The following SHOX variants were observed in gnomAD, a reference collection of about 807,000 sequenced individuals.
The protein encoded by SHOX is SHOX homeobox.
Under a neutral mutation model 29.6 loss-of-function variants are expected in SHOX, and 12 were observed. That is an observed-to-expected ratio of 0.41 (90% CI 0.26 to 0.66). The LOEUF (loss-of-function observed/expected upper bound fraction) is 0.66. SHOX is among the 30% of genes least tolerant of loss of function. The pLI is 0.35. For missense variants in SHOX, 499 were observed against 437.7 expected, an observed-to-expected ratio of 1.14 and a Z score of -1.25; for synonymous variants, 214 against 200.6, an observed-to-expected ratio of 1.07 and a Z score of -0.57.
chrX:653,920 TA>T (rs35084973), downstream of SHOX, among the ~76,000 whole-genome samples: 27,346 of 148,108 alleles, frequency 0.18, 3,277 homozygotes, highest in African/African-American at 0.34. Flanking sequence ...GAGTTGTCGT[TA>T]AAAAAAAAAA....
chrX:652,869 C>A (rs1159810502), downstream of SHOX, among the ~76,000 whole-genome samples: 1 of 72,172 alleles, frequency 1.4e-5, no homozygotes, highest in African/African-American at 6.2e-5. Context: ...GACCTCAACG[C>A]GTCCATCTCC....
At chrX:628,329 C>G (rs1223325848), upstream of SHOX, among the ~76,000 whole-genome samples, 4 of 150,998 alleles carry the variant, frequency 2.6e-5, 1 homozygote, top group Non-Finnish European at 1.5e-5. Flanking sequence ...CCTTGTCTCT[C>G]TCTTTCTCTC....
chrX:636,698 AT>A lies in SHOX; in HGVS notation c.486+1873del, dbSNP rs1320004849. Among the ~76,000 whole-genome samples, 2 of 5,952 alleles carry A rather than the reference AT, an allele frequency of 3.4e-4. 1 individual carries two copies. The highest frequency in any genetic ancestry group is 4.8e-4 in the Non-Finnish European group (2 of 4,134). 3.9% of individuals were successfully genotyped at this position (5,952 alleles called of 152,430 possible). On this transcript the variant is annotated intron_variant, in intron 2 of 4. Transcript: ENST00000686671. ...ATATATAAACATATATATACATAAAATATATATATAAACATATATATACATA... is the reference window on the plus strand; with the variant it reads ...ATATATAAACATATATATACATAAAAATATATATAAACATATATATACATA...
intron 4 of SHOX, among the ~76,000 whole-genome samples, chrX:641,869 G>A (rs1223073473): frequency 6.6e-6 from 1 of 152,148 alleles, no homozygotes; most frequent in Non-Finnish European, 1.5e-5. Flanking sequence ...TACCAGAGAT[G>A]GGACAGACAC....
At chrX:635,298 T>C (rs904776230) in intron 2 of SHOX, among the ~76,000 whole-genome samples, 2 of 151,746 alleles carry the variant, frequency 1.3e-5, no homozygotes, top group Non-Finnish European at 2.9e-5. Context: ...TACAAGATTT[T>C]TCATTTAAAA....
At chrX:636,969 TA>T (rs200280193) in intron 2 of SHOX, among the ~76,000 whole-genome samples, 8 of 137,898 alleles carry the variant, frequency 5.8e-5, no homozygotes, top group African/African-American at 1.5e-4. Context: ...TATATATATA[TA>T]TTTTGGCTCC....
At chrX:624,734 T>TTTCTTTCTTTCC (rs1324928938) in intron 1 of SHOX, 16 of 146,906 alleles carry the variant, frequency 1.1e-4, no homozygotes, top group African/African-American at 4.1e-4. Context: ...TCTTTCTTTC[T>TTTCTTTCTTTCC]TTCTTTTCTT....
chrX:650,221 C>A lies in SHOX; in HGVS notation c.*5585C>A. ...AGAGCGTAACTGACCGCGTCCAACA[C>A]CCGTTTTTCCACTTACAAAGCTGGT... is the stretch of plus-strand genomic sequence containing the variant. On this transcript the variant is annotated 3_prime_UTR_variant, in exon 5 of 5. Coordinates refer to ENST00000686671, the MANE Select transcript of SHOX (RefSeq NM_000451.4). 6.6e-6 allele frequency among the ~76,000 whole-genome samples: 1 copy of A among 152,326 alleles called. No homozygotes were observed. The highest frequency in any genetic ancestry group is 1.9e-4 in the East Asian group (1 of 5,164).
At chrX:638,644 G>A (rs997096211) in intron 2 of SHOX, among the ~76,000 whole-genome samples, 2 of 152,202 alleles carry the variant, frequency 1.3e-5, no homozygotes, top group African/African-American at 4.8e-5. Context: ...AAGCTGGGCT[G>A]GAAGCTTCCG....
At chrX:631,588 G>A (rs2052650378) in intron 1 of SHOX, among the ~76,000 whole-genome samples, 1 of 152,174 alleles carries the variant, frequency 6.6e-6, no homozygotes, top group Non-Finnish European at 1.5e-5. Flanking sequence ...CTGGAGTGCA[G>A]TGGTGCGATC....
chrX:657,852 G>A (rs900576138), intron 5 of SHOX, among the ~76,000 whole-genome samples: 3 of 152,166 alleles, frequency 2.0e-5, no homozygotes, highest in African/African-American at 7.2e-5. Flanking sequence ...ACACATTTGG[G>A]TTGATTTATT....
chrX:642,561 G>A (rs2052874673), intron 4 of SHOX, among the ~76,000 whole-genome samples: 2 of 152,192 alleles, frequency 1.3e-5, no homozygotes, highest in South Asian at 4.1e-4. Flanking sequence ...ATCCCTCCGC[G>A]GTTCTCCTCT....
At chrX:630,270 A>G, upstream of SHOX, among the ~76,000 whole-genome samples, 1 of 151,112 alleles carries the variant, frequency 6.6e-6, no homozygotes, top group African/African-American at 2.4e-5. Context: ...CTTGGAGCTC[A>G]TCTTCTCCCA....
rs137852553 is a variant in SHOX, at chrX:641,051, C to T, written c.597C>T (p.Tyr199=). 2.5e-5 allele frequency: 41 copies of T among 1,613,738 alleles called. No individual in the cohort carries two copies. The Middle Eastern group carries it at 5.0e-4, about 19-fold the overall frequency. The change falls in exon 4 of 5, where the codon TAC becomes TAT. Residue 199 remains tyrosine (Y), a synonymous_variant. Transcript: ENST00000686671. ...NHLDACRVAP[Y]VNMGALRMPF... is the part of the protein sequence containing the mutation. Reference sequence around the variant, plus strand: ...TAGACGCCTGCCGAGTGGCACCCTACGTCAACATGGGAGCCTTACGGATGC... The same window carrying T: ...TAGACGCCTGCCGAGTGGCACCCTATGTCAACATGGGAGCCTTACGGATGC...
upstream of SHOX, chrX:630,760 G>C: frequency 1.8e-6 from 2 of 1,121,552 alleles, no homozygotes; most frequent in South Asian, 2.7e-5. Flanking sequence ...AGGTCGCCGC[G>C]TATAAATAGT....
In SHOX at chrX:646,163, G is replaced by T. The variant is rs1249252046; in HGVS notation, c.*1527G>T. 1 of 152,066 alleles carries T rather than the reference G, an allele frequency of 6.6e-6. No homozygotes were observed. Among genetic ancestry groups the T allele is most frequent in the Admixed American group, 6.6e-5 (1 of 15,250 alleles). 9.4% of individuals were successfully genotyped at this position (152,066 alleles called of 1,614,324 possible). The stretch of plus-strand genomic sequence containing the variant: ...TCTGCCCGCCTCGGCCTCCCAACGT[G>T]CCCCCAGTTTTATAAACAGCAGATA... On this transcript the variant is annotated 3_prime_UTR_variant, in exon 5 of 5. Transcript: ENST00000686671.
Position 650,823 on chromosome X carries a change from G to GTGCCTAAT in SHOX, c.*6189_*6196dup, listed in dbSNP as rs1469555740. Among the ~76,000 whole-genome samples, 1 of 98,850 alleles carries GTGCCTAAT rather than the reference G, an allele frequency of 1.0e-5. No homozygotes were observed. The highest frequency in any genetic ancestry group is 2.5e-5 in the Non-Finnish European group (1 of 40,306). The allele number at this position is 98,850 out of a possible 152,430, so 64.8% of individuals were successfully genotyped here. A position where few individuals can be genotyped will look rare whatever the true frequency, so the allele number is the denominator to read the frequency against. ...AAAAAAAAAAAAAAAAAAAAAACTGGTGCCTAATTTATTAAAGAGAATTAG... is the reference window on the plus strand; with the variant it reads ...AAAAAAAAAAAAAAAAAAAAAACTGGTGCCTAATTGCCTAATTTATTAAAGAGAATTAG... On this transcript the variant is annotated 3_prime_UTR_variant, in exon 5 of 5. Coordinates refer to ENST00000686671, the MANE Select transcript of SHOX (RefSeq NM_000451.4).
intron 5 of SHOX, among the ~76,000 whole-genome samples, chrX:657,126 C>A (rs1243689451): frequency 6.6e-6 from 1 of 151,460 alleles, no homozygotes; most frequent in South Asian, 2.1e-4. Flanking sequence ...TGCACCACTG[C>A]CCTCCAGCCT....
Position 650,003 on chromosome X carries a change from C to G in SHOX, c.*5367C>G, listed in dbSNP as rs1036909173. ...TGCTATTAGATTTTCTTTCTCCGTTCGAGTCTCTGACTGGTGCATACTTTG... is the reference window on the plus strand; with the variant it reads ...TGCTATTAGATTTTCTTTCTCCGTTGGAGTCTCTGACTGGTGCATACTTTG... On this transcript the variant is annotated 3_prime_UTR_variant, in exon 5 of 5. Coordinates refer to ENST00000686671, the MANE Select transcript of SHOX (RefSeq NM_000451.4). 40 of 455,892 alleles carry G rather than the reference C, an allele frequency of 8.8e-5. No homozygotes were observed. Among genetic ancestry groups the G allele is most frequent in the African/African-American group, 6.8e-4 (34 of 50,046 alleles). The allele number at this position is 455,892 out of a possible 1,614,324, so 28.2% of individuals were successfully genotyped here. A position where few individuals can be genotyped will look rare whatever the true frequency, so the allele number is the denominator to read the frequency against.
Sources: gnomAD v4.1 joint callset for allele counts (sites outside exome capture counted in the v4.1 genomes callset) on GRCh38, gnomAD v4.1.1 for gene constraint, MANE v1.5 for transcripts, NCBI Gene and HGNC (gene_info 2026-07-23, HGNC 2026-07-21) for gene names.